GFPT2: variants seen among roughly 807,000 people sequenced by gnomAD.
The protein encoded by GFPT2 is glutamine--fructose-6-phosphate transaminase 2.
Under a neutral mutation model 85.6 loss-of-function variants are expected in GFPT2, and 62 were observed. The observed-to-expected ratio is 0.72, with a 90% CI of 0.59 to 0.90. The LOEUF (loss-of-function observed/expected upper bound fraction) is 0.90. Ranked by LOEUF, GFPT2 falls within the 40% of genes least tolerant of loss-of-function variation. GFPT2 has a pLI of 0.00. For missense variants in GFPT2, 788 were observed against 893.4 expected, an observed-to-expected ratio of 0.88 and a Z score of 1.50; for synonymous variants, 368 against 344.5, an observed-to-expected ratio of 1.07 and a Z score of -0.75.
At chr5:180,307,138 G>A (rs978235989) in intron 16 of GFPT2, 38 bp downstream of exon 16, 3 of 1,501,776 alleles carry the variant, frequency 2.0e-6, no homozygotes, top group Non-Finnish European at 2.7e-6. Flanking sequence ...TCCTGTGCCT[G>A]TCCTCCGTGG....
At chr5:180,325,427 C>T (rs533341419) in intron 7 of GFPT2, among the ~76,000 whole-genome samples, 1 of 152,324 alleles carries the variant, frequency 6.6e-6, no homozygotes, top group South Asian at 2.1e-4. Context: ...TTGTAGGTGA[C>T]ATAAGGTGAT....
At chr5:180,347,702 T>G (rs535925362) in intron 1 of GFPT2, among the ~76,000 whole-genome samples, 1 of 152,066 alleles carries the variant, frequency 6.6e-6, no homozygotes, top group African/African-American at 2.4e-5. Context: ...AAGTGACAGA[T>G]AACGACAATG....
chr5:180,320,117 C>T (rs1309872357), intron 9 of GFPT2, among the ~76,000 whole-genome samples: 3 of 152,078 alleles, frequency 2.0e-5, no homozygotes, highest in East Asian at 1.9e-4. Context: ...CTCAGCCTCC[C>T]GAGTAGCTGG....
At chr5:180,313,718 G>A (rs1449366552) in intron 14 of GFPT2, 89 bp downstream of exon 14, 14 of 1,137,902 alleles carry the variant, frequency 1.2e-5, no homozygotes, top group Non-Finnish European at 1.3e-5. Context: ...AGGCGGTGGC[G>A]CGGGCAGAGC....
At chr5:180,342,585 C>G (rs906319781) in intron 1 of GFPT2, among the ~76,000 whole-genome samples, 4 of 150,744 alleles carry the variant, frequency 2.7e-5, no homozygotes, top group Admixed American at 1.3e-4. Flanking sequence ...CTAGGTGAAA[C>G]TTTTCATAAC....
intron 1 of GFPT2, among the ~76,000 whole-genome samples, chr5:180,351,076 C>A (rs184321291): frequency 6.6e-6 from 1 of 152,344 alleles, no homozygotes; most frequent in Non-Finnish European, 1.5e-5. Context: ...ATAGCATAAT[C>A]ACTACTTTTT....
chr5:180,349,389 C>G (rs1764667812), intron 1 of GFPT2, among the ~76,000 whole-genome samples: 1 of 152,110 alleles, frequency 6.6e-6, no homozygotes, highest in Non-Finnish European at 1.5e-5. Context: ...AACTTATAAC[C>G]TCAAATTAAT....
intron 1 of GFPT2, among the ~76,000 whole-genome samples, chr5:180,343,949 T>G (rs1289084428): frequency 6.6e-6 from 1 of 152,238 alleles, no homozygotes; most frequent in Non-Finnish European, 1.5e-5. Context: ...TAAGAAGGTA[T>G]CCAGCGGACT....
rs866171584 is a variant in GFPT2 at position 180,330,462 on chromosome 5, G to A, written c.534+238C>T. 6.6e-6 allele frequency among the ~76,000 whole-genome samples: 1 copy of A among 152,148 alleles called. No homozygotes were observed. Among genetic ancestry groups the A allele is most frequent in the Non-Finnish European group, 1.5e-5 (1 of 68,026 alleles). Reference sequence around the variant, plus strand: ...TTCAGAAGTGTCACGATGAAGCAGGGCACTTTCTATTTGATGTTGACTACC... The same window carrying A: ...TTCAGAAGTGTCACGATGAAGCAGGACACTTTCTATTTGATGTTGACTACC... On this transcript the variant is annotated intron_variant, in intron 6 of 18. Coordinates refer to ENST00000253778, the MANE Select transcript of GFPT2 (RefSeq NM_005110.4). This position sits in a 1 kb window ranked among gnomAD's most constrained non-coding sequence, Gnocchi z 4.4.
At chr5:180,306,288 ATT>A (rs1397949120) in intron 16 of GFPT2, among the ~76,000 whole-genome samples, 2 of 152,086 alleles carry the variant, frequency 1.3e-5, no homozygotes, top group African/African-American at 4.8e-5. Flanking sequence ...CCAGCCTAGC[ATT>A]GTCTTTCAAA....
chr5:180,316,997 A>G lies in GFPT2; in HGVS notation c.1020T>C (p.Thr340=), dbSNP rs764616281. Residue 340 remains threonine, a synonymous_variant, in exon 11 of 19, where the codon ACT becomes ACC. Coordinates refer to ENST00000253778, the MANE Select transcript of GFPT2 (RefSeq NM_005110.4). ...TTTCAAAATTCACCCGACCTCTCAT[A>G]GTATTGAAAACTGATTCTGGCTGTT... is the stretch of plus-strand genomic sequence containing the variant. ...IFEQPESVFN[T]MRGRVNFETN... 1 of 1,611,458 alleles carries G rather than the reference A, an allele frequency of 6.2e-7. No homozygotes were observed. The highest frequency in any genetic ancestry group is 1.1e-5 in the South Asian group (1 of 91,036).
intron 4 of GFPT2, among the ~76,000 whole-genome samples, chr5:180,333,304 G>A (rs947305904): frequency 1.4e-4 from 21 of 151,772 alleles, no homozygotes; most frequent in Admixed American, 8.5e-4. Flanking sequence ...GCGCGAGCTC[G>A]GCTCACTGCA....
At chr5:180,311,861 C>G (rs1310150886) in intron 15 of GFPT2, among the ~76,000 whole-genome samples, 2 of 152,008 alleles carry the variant, frequency 1.3e-5, no homozygotes, top group Non-Finnish European at 2.9e-5. Context: ...GAGAAGCTGT[C>G]GGCTGTATGC....
rs548518475 is a variant in GFPT2 at position 180,315,339 on chromosome 5, G to A, written c.1273+1002C>T. Among the ~76,000 whole-genome samples, 21 of 152,176 alleles carry A rather than the reference G, an allele frequency of 1.4e-4. No homozygotes were observed. The South Asian group carries it at 1.7e-3, about 12-fold the overall frequency. The stretch of plus-strand genomic sequence containing the variant: ...ACTACAGGCGCCCGCCACCACGCCC[G>A]GCTAATTGTTTTATATTTTTAGTAG... On this transcript the variant is annotated intron_variant, in intron 13 of 18. Transcript: ENST00000253778.
Position 180,338,502 on chromosome 5 carries a change from C to T in GFPT2, c.106G>A (p.Asp36Asn), listed in dbSNP as rs773067506. The T allele has an allele frequency of 5.6e-6, 9 of 1,598,204 alleles. No individual in the cohort carries two copies. Among genetic ancestry groups the T allele is most frequent in the South Asian group, 4.4e-5 (4 of 90,618 alleles). The change falls in exon 2 of 19, where the codon GAC (aspartate) becomes AAC (asparagine). Residue 36 changes from aspartate (D) to asparagine (N), a missense_variant. Asp to Asn is a conservative substitution (Grantham distance 23). Coordinates refer to ENST00000253778, the MANE Select transcript of GFPT2 (RefSeq NM_005110.4). ...GCGGCCGCACACCCACCTGCCGAGTCGTAGCCTCTGTACTCCAGCCGCTGC... is the reference window on the plus strand; with the variant it reads ...GCGGCCGCACACCCACCTGCCGAGTTGTAGCCTCTGTACTCCAGCCGCTGC... ...GLQRLEYRGY[D>N]SAGVAIDGNN...
intron 15 of GFPT2, among the ~76,000 whole-genome samples, chr5:180,311,941 G>A (rs1232683216): frequency 1.3e-5 from 2 of 151,864 alleles, no homozygotes; most frequent in South Asian, 4.2e-4. Flanking sequence ...AAAGCACTGA[G>A]CACTGCTGAG....
At position 180,315,181 on chromosome 5, in the gene GFPT2, CT is replaced by C. The variant is rs536865519; in HGVS notation, c.1273+1159del. ...ACCGTGGTCATACGTTTTTCTTTTT[CT>C]TTTTTTTTTTTTTGAGACGGAGTCT... On this transcript the variant is annotated intron_variant, in intron 13 of 18. Transcript: ENST00000253778. 1.9e-3 allele frequency among the ~76,000 whole-genome samples: 271 copies of C among 143,980 alleles called. 1 individual carries two copies. Among genetic ancestry groups the C allele is most frequent in the African/African-American group, 2.5e-3 (97 of 39,552 alleles). 94.5% of individuals were successfully genotyped at this position (143,980 alleles called of 152,430 possible).
rs1010188142 is a variant in GFPT2, at chr5:180,330,646, G to A, written c.534+54C>T. The A allele has an allele frequency of 4.1e-6, 6 of 1,473,268 alleles. No homozygotes were observed. The African/African-American group carries it at 7.0e-5, about 17-fold the overall frequency. The allele number at this position is 1,473,268 out of a possible 1,614,324, so 91.3% of individuals were successfully genotyped here. Reference sequence around the variant, plus strand: ...TTGGCACTTGCTGCTTGAAAAAAATGTTTTTAATGAAAGAATGAAGGAATG... The same window carrying A: ...TTGGCACTTGCTGCTTGAAAAAAATATTTTTAATGAAAGAATGAAGGAATG... On this transcript the variant is annotated intron_variant, in intron 6 of 18. Transcript: ENST00000253778. The surrounding 1 kb of genome is among the most constrained non-coding windows in gnomAD (Gnocchi z 4.4).
chr5:180,315,384 G>T (rs547519585), intron 13 of GFPT2, among the ~76,000 whole-genome samples: 34 of 152,174 alleles, frequency 2.2e-4, no homozygotes, highest in Non-Finnish European at 3.1e-4. Context: ...TTCACTGTGT[G>T]AGCCAGGATG....
Sources: gnomAD v4.1 joint callset for allele counts (sites outside exome capture counted in the v4.1 genomes callset) on GRCh38, gnomAD v4.1.1 for gene constraint, Gnocchi (gnomAD v3.1) non-coding constraint, MANE v1.5 for transcripts, NCBI Gene and HGNC (gene_info 2026-07-23, HGNC 2026-07-21) for gene names.